Variants in WDR41 observed in about 807,000 individuals in gnomAD.
WDR41 encodes WD repeat-containing protein 41.
WDR41 carries 63 observed loss-of-function variants against 69.3 expected under a neutral mutation model. The observed-to-expected ratio is 0.91, with a 90% confidence interval of 0.74 to 1.12. The LOEUF (loss-of-function observed/expected upper bound fraction) is 1.12. WDR41 is among the 50% of genes most tolerant of loss of function. The pLI, the probability that WDR41 is intolerant of heterozygous loss-of-function variation, is 0.00. For missense variants in WDR41, 543 were observed against 534.5 expected (o/e 1.02, Z -0.16); for synonymous variants, 185 against 192.1 (o/e 0.96, Z 0.31).
chr5:77,521,790 T>C (rs1340675437), intron 1 of WDR41, among the ~76,000 whole-genome samples: 1 of 152,228 alleles, frequency 6.6e-6, no homozygotes, highest in Non-Finnish European at 1.5e-5. Flanking sequence ...TCTGCCATGC[T>C]GCCCCCAGAA....
In WDR41 at chr5:77,440,984, G is replaced by T; in HGVS notation, c.711C>A (p.Val237=). 6.2e-7 allele frequency: 1 copy of T among 1,613,238 alleles called. No individual in the cohort carries two copies. Among genetic ancestry groups the T allele is most frequent in the Non-Finnish European group, 8.5e-7 (1 of 1,179,682 alleles). The change falls in exon 9 of 13, where the codon GTC becomes GTA. Residue 237 remains valine, a synonymous_variant. Transcript: ENST00000296679. The stretch of plus-strand genomic sequence containing the variant: ...TCAGCTCTCCGACGTGGGAGCCGGT[G>T]ACAAAACTCAAATCTAGGCAAAGTT... ...SLINVNDLSF[V]TGSHVGELII... is the part of the protein sequence containing the mutation.
At chr5:77,566,655 G>A (rs1405380729) in intron 1 of WDR41, among the ~76,000 whole-genome samples, 1 of 152,162 alleles carries the variant, frequency 6.6e-6, no homozygotes, top group East Asian at 1.9e-4. Flanking sequence ...CGCTTGTGTG[G>A]TGGGGGGCAG....
At chr5:77,445,153 C>T (rs1407841679) in intron 8 of WDR41, among the ~76,000 whole-genome samples, 2 of 152,106 alleles carry the variant, frequency 1.3e-5, no homozygotes, top group African/African-American at 2.4e-5. Context: ...ACTATAAACA[C>T]CTCTACACAA....
At chr5:77,565,631 C>T (rs1001209181) in intron 1 of WDR41, among the ~76,000 whole-genome samples, 2 of 152,052 alleles carry the variant, frequency 1.3e-5, no homozygotes, top group African/African-American at 4.8e-5. Flanking sequence ...CTCAAAGATT[C>T]CTTCCCCATC....
At chr5:77,477,270 C>T (rs1371248373) in intron 2 of WDR41, among the ~76,000 whole-genome samples, 1 of 151,092 alleles carries the variant, frequency 6.6e-6, no homozygotes, top group Non-Finnish European at 1.5e-5. Context: ...ATCAACGAGA[C>T]AGAAAGCCAA....
At position 77,498,558 on chromosome 5, in the gene WDR41, C is replaced by G. The variant is rs143835570; in HGVS notation, c.43-8986G>C. Among the ~76,000 whole-genome samples, 35 of 152,178 alleles carry G rather than the reference C, an allele frequency of 2.3e-4. No homozygotes were observed. The East Asian group carries it at 5.8e-3, about 25-fold the overall frequency. ...GAGAGGCCAGTCATGGTGTCTCAAG[C>G]CTATAATCCCAGCGCTTTGGGAGGC... On this transcript the variant is annotated intron_variant, in intron 1 of 5. Transcript: ENST00000509971.
chr5:77,435,959 T>G (rs335621), intron 12 of WDR41, among the ~76,000 whole-genome samples: 96,093 of 152,106 alleles, frequency 0.63, 32,013 homozygotes, highest in African/African-American at 0.85. Context: ...ATCCTCTGTT[T>G]ACTGTTGTCA....
chr5:77,556,987 G>A (rs372981512), intron 1 of WDR41, among the ~76,000 whole-genome samples: 6 of 152,118 alleles, frequency 3.9e-5, no homozygotes, highest in East Asian at 1.9e-4. Context: ...GAAAGGGGGA[G>A]GGGTGGAGCC....
chr5:77,615,158 T>C (rs1394791925), intron 1 of WDR41, among the ~76,000 whole-genome samples: 1 of 152,168 alleles, frequency 6.6e-6, no homozygotes, highest in Non-Finnish European at 1.5e-5. Flanking sequence ...TTTATTAATG[T>C]CACTGAATTG....
intron 1 of WDR41, among the ~76,000 whole-genome samples, chr5:77,609,626 G>C (rs554519011): frequency 9.2e-5 from 14 of 152,294 alleles, no homozygotes; most frequent in Admixed American, 5.2e-4. Flanking sequence ...CTAACAAACA[G>C]AAAGGACATC....
chr5:77,574,166 C>T (rs1358579557), intron 1 of WDR41, among the ~76,000 whole-genome samples: 5 of 152,018 alleles, frequency 3.3e-5, no homozygotes, highest in African/African-American at 1.2e-4. Context: ...GGTATGGTGG[C>T]ACGTTCCTGT....
chr5:77,570,144 C>A (rs12655063), intron 1 of WDR41, among the ~76,000 whole-genome samples: 15,511 of 152,026 alleles, frequency 0.1, 872 homozygotes, highest in Middle Eastern at 0.24. Context: ...TCCAACACAG[C>A]TATTTGATAT....
intron 1 of WDR41, among the ~76,000 whole-genome samples, chr5:77,555,602 G>A (rs888266105): frequency 2.6e-5 from 4 of 152,016 alleles, no homozygotes; most frequent in South Asian, 4.2e-4. Flanking sequence ...GAGCCACCCC[G>A]CCTAGCCTGT....
upstream of WDR41, chr5:77,492,413 C>A (rs1468355508): frequency 3.1e-6 from 2 of 648,492 alleles, no homozygotes; most frequent in African/African-American, 1.9e-5. Flanking sequence ...GCTCCCGTAC[C>A]CAGCCACGGA....
intron 1 of WDR41, among the ~76,000 whole-genome samples, chr5:77,606,020 G>A (rs1487445532): frequency 6.6e-6 from 1 of 152,206 alleles, no homozygotes; most frequent in East Asian, 1.9e-4. Context: ...AACAAAGAAA[G>A]AAGTCAATGA....
At chr5:77,497,620 GA>G (rs1230759768) in intron 1 of WDR41, among the ~76,000 whole-genome samples, 18 of 152,264 alleles carry the variant, frequency 1.2e-4, no homozygotes, top group African/African-American at 4.3e-4. Context: ...GGGATATGGA[GA>G]AATTGGAGTC....
At chr5:77,554,758 T>C (rs1441358619) in intron 1 of WDR41, among the ~76,000 whole-genome samples, 2 of 147,772 alleles carry the variant, frequency 1.4e-5, no homozygotes, top group African/African-American at 5.3e-5. Context: ...GGAAGGATCC[T>C]TGTTGTGCTG....
chr5:77,620,164 C>A lies in WDR41; in HGVS notation c.42+315G>T, dbSNP rs551136803. Among the ~76,000 whole-genome samples, 66 of 152,304 alleles carry A rather than the reference C, an allele frequency of 4.3e-4. No individual in the cohort carries two copies. The South Asian group carries it at 0.013, about 30-fold the overall frequency. Reference sequence around the variant, plus strand: ...TCCCAAACAATTAAAGTAGATTCTTCTCAGGTGTGGTATAATTTCCTGAAA... The same window carrying A: ...TCCCAAACAATTAAAGTAGATTCTTATCAGGTGTGGTATAATTTCCTGAAA... On this transcript the variant is annotated intron_variant, in intron 1 of 5. Transcript: ENST00000509971.
At chr5:77,609,922 G>A (rs562204386) in intron 1 of WDR41, among the ~76,000 whole-genome samples, 96 of 152,036 alleles carry the variant, frequency 6.3e-4, no homozygotes, top group African/African-American at 2.1e-3. Flanking sequence ...AAATTTAGAC[G>A]AATGTATAAC....
Sources: gnomAD v4.1 joint callset for allele counts (sites outside exome capture counted in the v4.1 genomes callset) on GRCh38, gnomAD v4.1.1 for gene constraint, MANE v1.5 for transcripts, NCBI Gene and HGNC (gene_info 2026-07-23, HGNC 2026-07-21) for gene names.